The following FAF2 variants were observed in gnomAD, a reference collection of about 807,000 sequenced individuals.
FAF2 encodes Fas associated factor family member 2.
In FAF2, 9 loss-of-function variants were observed where a neutral mutation model predicts 62.3. The observed-to-expected ratio is 0.14, with a 90% CI of 0.09 to 0.25. The LOEUF is 0.25. FAF2 is among the 10% of genes least tolerant of loss of function. The pLI is 1.00. For missense variants in FAF2, 368 were observed against 556.2 expected, an observed-to-expected ratio of 0.66 and a Z score of 3.40; for synonymous variants, 202 against 198.0, an observed-to-expected ratio of 1.02 and a Z score of -0.17.
chr5:176,467,217 G>A (rs554085763), intron 1 of FAF2, among the ~76,000 whole-genome samples: 11 of 147,906 alleles, frequency 7.4e-5, no homozygotes, highest in African/African-American at 1.8e-4. Context: ...TTAGACACTC[G>A]GCCCTGAAAG....
intron 1 of FAF2, among the ~76,000 whole-genome samples, chr5:176,448,794 G>T (rs1017538033): frequency 3.3e-5 from 5 of 152,182 alleles, no homozygotes; most frequent in African/African-American, 1.2e-4. Context: ...TCCGCCCAAC[G>T]AGTCTATATC....
chr5:176,468,720 G>A (rs1310178966), intron 1 of FAF2, among the ~76,000 whole-genome samples: 1 of 151,864 alleles, frequency 6.6e-6, no homozygotes, highest in Non-Finnish European at 1.5e-5. Flanking sequence ...ATCACCTGAG[G>A]CAAGGAGGTT....
At chr5:176,481,395 C>T (rs1040560747) in intron 2 of FAF2, among the ~76,000 whole-genome samples, 7 of 152,010 alleles carry the variant, frequency 4.6e-5, no homozygotes, top group Non-Finnish European at 2.9e-5. Flanking sequence ...CGGTGGCTCA[C>T]GCCTGTAATC....
chr5:176,461,706 G>A (rs1210185754), intron 1 of FAF2, among the ~76,000 whole-genome samples: 1 of 151,588 alleles, frequency 6.6e-6, no homozygotes, highest in Non-Finnish European at 1.5e-5. Context: ...CTGGATATTA[G>A]GCCTTTGTCA....
At chr5:176,485,508 C>T (rs1758860647) in intron 2 of FAF2, among the ~76,000 whole-genome samples, 1 of 152,194 alleles carries the variant, frequency 6.6e-6, no homozygotes, top group African/African-American at 2.4e-5. Flanking sequence ...TCAGACATCT[C>T]TTTGGGTAAG....
At chr5:176,455,896 A>G (rs557518087) in intron 1 of FAF2, among the ~76,000 whole-genome samples, 2 of 148,636 alleles carry the variant, frequency 1.3e-5, no homozygotes, top group African/African-American at 5.3e-5. Context: ...TCATTTATGT[A>G]AAAATGAAAA....
At chr5:176,474,933 G>A (rs950516716) in intron 1 of FAF2, among the ~76,000 whole-genome samples, 2 of 152,186 alleles carry the variant, frequency 1.3e-5, no homozygotes, top group African/African-American at 4.8e-5. Flanking sequence ...TGTCCCAGGT[G>A]TGTCCAGCAT....
At chr5:176,493,632 C>T (rs1233273429) in intron 5 of FAF2, among the ~76,000 whole-genome samples, 1 of 152,186 alleles carries the variant, frequency 6.6e-6, no homozygotes, top group Non-Finnish European at 1.5e-5. Context: ...AAAATTCTCA[C>T]CTCCCTTTCA....
chr5:176,495,153 C>G (rs575505884), intron 7 of FAF2, among the ~76,000 whole-genome samples: 73 of 152,224 alleles, frequency 4.8e-4, no homozygotes, highest in Non-Finnish European at 9.6e-4. Context: ...GTAAAAGATA[C>G]GAAGGCATCC....
At chr5:176,496,109 A>T (rs998262804) in intron 7 of FAF2, among the ~76,000 whole-genome samples, 1 of 152,142 alleles carries the variant, frequency 6.6e-6, no homozygotes, top group African/African-American at 2.4e-5. Flanking sequence ...CCACACCGCC[A>T]CCAGGAAAGC....
chr5:176,500,235 T>A, intron 10 of FAF2, 89 bp downstream of exon 10: 2 of 1,264,746 alleles, frequency 1.6e-6, no homozygotes, highest in Non-Finnish European at 2.3e-6. Context: ...GGTGTTGGTG[T>A]ATCTGCTGCT....
intron 1 of FAF2, among the ~76,000 whole-genome samples, chr5:176,468,553 C>T (rs781533363): frequency 6.6e-6 from 1 of 152,114 alleles, no homozygotes; most frequent in Non-Finnish European, 1.5e-5. Context: ...CACTGCATCC[C>T]AACCTGGGCG....
chr5:176,473,026 G>T (rs538132207), intron 1 of FAF2, among the ~76,000 whole-genome samples: 25 of 152,268 alleles, frequency 1.6e-4, no homozygotes, highest in Non-Finnish European at 1.6e-4. Context: ...CATGCTGAAT[G>T]TTTCTTATTA....
At position 176,506,765 on chromosome 5, in the gene FAF2, C is replaced by T. The variant is rs200871666; in HGVS notation, c.1156-3C>T. 2.7e-5 allele frequency: 43 copies of T among 1,612,558 alleles called. No individual in the cohort carries two copies. The Admixed American group carries it at 5.2e-4, about 19-fold the overall frequency. ...CCCTTCTTTTTCTATATGACCTCTG[C>T]AGGTAATCCACGACTTCTTATTCTC... On this transcript the variant is annotated splice_region_variant and splice_polypyrimidine_tract_variant and intron_variant, in intron 10 of 10. Transcript: ENST00000261942.
chr5:176,499,181 T>A, intron 9 of FAF2, 96 bp downstream of exon 9: 1 of 1,155,650 alleles, frequency 8.7e-7, no homozygotes, highest in Non-Finnish European at 1.2e-6. Context: ...ATAGCCACCT[T>A]AAACAGACTA....
intron 4 of FAF2, among the ~76,000 whole-genome samples, chr5:176,489,825 G>C (rs185071093): frequency 4.7e-4 from 72 of 152,302 alleles, no homozygotes; most frequent in African/African-American, 1.7e-3. Flanking sequence ...GGGATTGCTG[G>C]CATGAGCCAC....
At chr5:176,488,463 C>G (rs1293875765) in intron 3 of FAF2, among the ~76,000 whole-genome samples, 1 of 152,088 alleles carries the variant, frequency 6.6e-6, no homozygotes, top group Non-Finnish European at 1.5e-5. Context: ...TGCTCTGCCC[C>G]CAGGCTGGAG....
intron 1 of FAF2, among the ~76,000 whole-genome samples, chr5:176,468,263 A>G (rs1453870039): frequency 6.6e-6 from 1 of 152,188 alleles, no homozygotes; most frequent in Non-Finnish European, 1.5e-5. Context: ...TTTTATGCCA[A>G]GGCATTGCAC....
In FAF2 at chr5:176,510,031, T is replaced by C. The variant is rs1257332331; in HGVS notation, c.*3081T>C. The C allele has an allele frequency of 6.6e-6, 1 of 152,636 alleles. No homozygotes were observed. Among genetic ancestry groups the C allele is most frequent in the Non-Finnish European group, 1.5e-5 (1 of 68,044 alleles). The allele number at this position is 152,636 out of a possible 1,614,324, so 9.5% of individuals were successfully genotyped here. A position where few individuals can be genotyped will look rare whatever the true frequency, so the allele number is the denominator to read the frequency against. ...TAAATTTTTTTCATAAAAGTTTACA[T>C]TGTATTGTAGGTTAACATTAAATGT... On this transcript the variant is annotated 3_prime_UTR_variant, in exon 11 of 11. Transcript: ENST00000261942.
Sources: gnomAD v4.1 joint callset for allele counts (sites outside exome capture counted in the v4.1 genomes callset) on GRCh38, gnomAD v4.1.1 for gene constraint, MANE v1.5 for transcripts, NCBI Gene and HGNC (gene_info 2026-07-23, HGNC 2026-07-21) for gene names.